ZFHX3: variants seen among roughly 807,000 people sequenced by gnomAD.
The protein encoded by ZFHX3 is zinc finger homeobox 3.
Under a neutral mutation model 279.1 loss-of-function variants are expected in ZFHX3, and 42 were observed. The ratio of observed to expected loss-of-function variants is 0.15; its 90% confidence interval spans 0.12 to 0.19. ZFHX3 has a LOEUF of 0.19. ZFHX3 is among the 10% of genes least tolerant of loss of function. ZFHX3 has a pLI of 1.00. For missense variants in ZFHX3, 4,981 were observed against 4,754.0 expected (o/e 1.05, Z -1.40); for synonymous variants, 2,293 against 1,957.8 (o/e 1.17, Z -4.52).
intron 4 of ZFHX3, among the ~76,000 whole-genome samples, chr16:72,865,759 T>C (rs1337633808): frequency 1.3e-5 from 2 of 152,176 alleles, no homozygotes; most frequent in African/African-American, 4.8e-5. Flanking sequence ...TTCCCAATTC[T>C]GCTGCTGACC....
intron 4 of ZFHX3, among the ~76,000 whole-genome samples, chr16:72,851,525 C>T (rs1358378291): frequency 1.3e-5 from 2 of 152,040 alleles, no homozygotes; most frequent in Non-Finnish European, 2.9e-5. Flanking sequence ...CTCCCAAATA[C>T]CACAAGGGTT....
At chr16:73,258,276 T>A (rs1454667663) in intron 4 of ZFHX3, among the ~76,000 whole-genome samples, 2 of 151,922 alleles carry the variant, frequency 1.3e-5, no homozygotes, top group East Asian at 3.9e-4. Flanking sequence ...TGGAAAAGAT[T>A]TGAGCCCAGA....
intron 4 of ZFHX3, among the ~76,000 whole-genome samples, chr16:73,271,199 C>T (rs1423665963): frequency 2.0e-5 from 3 of 152,200 alleles, no homozygotes; most frequent in South Asian, 2.1e-4. Context: ...GTGTAGGCTA[C>T]AAGCCACCGG....
chr16:73,552,334 T>C (rs1165654160), intron 2 of ZFHX3, among the ~76,000 whole-genome samples: 5 of 152,184 alleles, frequency 3.3e-5, no homozygotes, highest in Non-Finnish European at 7.3e-5. Context: ...TATTATGCCC[T>C]GTACATGTTT....
At chr16:73,408,525 G>T (rs1567474912) in intron 3 of ZFHX3, among the ~76,000 whole-genome samples, 1 of 152,170 alleles carries the variant, frequency 6.6e-6, no homozygotes, top group Non-Finnish European at 1.5e-5. Context: ...AATCCCAACA[G>T]CTGGAAGTGC....
chr16:72,907,545 T>TTTTGTGTGTGTG (rs1394689944), intron 3 of ZFHX3, among the ~76,000 whole-genome samples: 9 of 120,404 alleles, frequency 7.5e-5, no homozygotes, highest in African/African-American at 2.9e-4. Context: ...TTTCCTCTAT[T>TTTTGTGTGTGTG]TGTGTGTGTG....
chr16:72,924,628 C>A (rs1959343815), intron 3 of ZFHX3, among the ~76,000 whole-genome samples: 1 of 152,102 alleles, frequency 6.6e-6, no homozygotes, highest in Non-Finnish European at 1.5e-5. Flanking sequence ...GTGCGCAGAA[C>A]TACGACACCA....
chr16:73,457,985 C>T (rs1036804208), intron 2 of ZFHX3, among the ~76,000 whole-genome samples: 1 of 152,114 alleles, frequency 6.6e-6, no homozygotes, highest in African/African-American at 2.4e-5. Context: ...TTAACAGATT[C>T]TCCAGCACTT....
chr16:73,451,179 C>A (rs1020216831), intron 3 of ZFHX3, among the ~76,000 whole-genome samples: 2 of 152,158 alleles, frequency 1.3e-5, no homozygotes, highest in Non-Finnish European at 2.9e-5. Flanking sequence ...TTGAAAACAA[C>A]AGGCACCTGA....
At chr16:73,611,260 C>T (rs183086415) in intron 2 of ZFHX3, among the ~76,000 whole-genome samples, 32 of 152,108 alleles carry the variant, frequency 2.1e-4, no homozygotes, top group Admixed American at 5.2e-4. Flanking sequence ...GGCACTGGGA[C>T]CATGGATGGG....
chr16:73,553,950 T>C (rs2020238811), intron 2 of ZFHX3, among the ~76,000 whole-genome samples: 1 of 152,220 alleles, frequency 6.6e-6, no homozygotes, highest in South Asian at 2.1e-4. Context: ...TCAGAAAAAG[T>C]GATAAATGGC....
rs374608671 is a variant in ZFHX3 at position 72,793,515 on chromosome 16, A to G, written c.9167T>C (p.Ile3056Thr). Residue 3056 changes from isoleucine to threonine, a missense_variant, in exon 9 of 10, where the codon ATT becomes ACT. Physicochemically the swap from Ile to Thr is moderately conservative, Grantham distance 89. This residue lies in a region of ZFHX3 where 168 missense variants were observed against 249.1 expected (regional missense o/e 0.67). Coordinates refer to ENST00000268489, the MANE Select transcript of ZFHX3 (RefSeq NM_006885.4). The surrounding 1 kb of genome is among the most constrained non-coding windows in gnomAD (Gnocchi z 4.3). ...TTTCTCCTTGTCCAGCTGGCTTCCA[A>G]TGGTGTCTTTAACTTTGGAGATATG... ...QQHISKVKDTIGSQLDKEKEY... is the reference protein window; with the variant it reads ...QQHISKVKDTTGSQLDKEKEY... 18 of 1,614,016 alleles carry G rather than the reference A, an allele frequency of 1.1e-5. No individual in the cohort carries two copies. Among genetic ancestry groups the G allele is most frequent in the Middle Eastern group, 1.6e-4 (1 of 6,084 alleles).
intron 3 of ZFHX3, among the ~76,000 whole-genome samples, chr16:73,395,613 C>T (rs1415995513): frequency 6.6e-6 from 1 of 152,058 alleles, no homozygotes; most frequent in Non-Finnish European, 1.5e-5. Context: ...ACATAGTAGG[C>T]TGTTGTCTCC....
intron 5 of ZFHX3, among the ~76,000 whole-genome samples, chr16:73,196,208 C>T (rs545342233): frequency 1.1e-4 from 16 of 142,686 alleles, no homozygotes; most frequent in Middle Eastern, 3.8e-3. Flanking sequence ...AATTGCTCTT[C>T]ACAGGTCTTC....
At chr16:73,210,348 G>T (rs140744548) in intron 5 of ZFHX3, among the ~76,000 whole-genome samples, 10 of 152,042 alleles carry the variant, frequency 6.6e-5, no homozygotes, top group African/African-American at 2.4e-4. Flanking sequence ...CTTCTCTCCC[G>T]AACATCTTTT....
chr16:73,336,144 G>A (rs548959034), intron 3 of ZFHX3, among the ~76,000 whole-genome samples: 10 of 152,320 alleles, frequency 6.6e-5, no homozygotes, highest in African/African-American at 2.2e-4. Context: ...GGAAGGTGGT[G>A]GAGAGGGAGG....
intron 2 of ZFHX3, among the ~76,000 whole-genome samples, chr16:73,611,694 A>G (rs1051314487): frequency 2.0e-5 from 3 of 152,114 alleles, no homozygotes; most frequent in Admixed American, 2.0e-4. Flanking sequence ...TCTCAATTAT[A>G]CTTCATTTAA....
chr16:73,120,537 G>T (rs1329878876), intron 7 of ZFHX3, among the ~76,000 whole-genome samples: 1 of 151,800 alleles, frequency 6.6e-6, no homozygotes, highest in African/African-American at 2.4e-5. Context: ...GTCTCCCAAA[G>T]TTCTGGGATT....
At chr16:72,907,013 CT>C (rs1181611640) in intron 3 of ZFHX3, among the ~76,000 whole-genome samples, 2 of 152,174 alleles carry the variant, frequency 1.3e-5, no homozygotes, top group Non-Finnish European at 2.9e-5. Flanking sequence ...CCTGGCCGTG[CT>C]TTCTCCCGGG....
Sources: gnomAD v4.1 joint callset for allele counts (sites outside exome capture counted in the v4.1 genomes callset) on GRCh38, gnomAD v4.1.1 for gene constraint, gnomAD v4.1.1 regional missense constraint, Gnocchi (gnomAD v3.1) non-coding constraint, MANE v1.5 for transcripts, NCBI Gene and HGNC (gene_info 2026-07-23, HGNC 2026-07-21) for gene names.